The following ASH2L variants were observed in gnomAD, a reference collection of about 807,000 sequenced individuals.
The protein encoded by ASH2L is set1/Ash2 histone methyltransferase complex subunit ASH2.
In ASH2L, 30 loss-of-function variants were observed where a neutral mutation model predicts 81.1. The observed-to-expected ratio is 0.37, with a 90% CI of 0.28 to 0.50. ASH2L has a LOEUF of 0.50. ASH2L is among the 20% of genes least tolerant of loss of function. The pLI, the probability that ASH2L is intolerant of heterozygous loss-of-function variation, is 0.95. For synonymous variants in ASH2L, 273 were observed against 279.9 expected, an observed-to-expected ratio of 0.98 and a Z score of 0.24; for missense variants, 559 against 792.1, an observed-to-expected ratio of 0.71 and a Z score of 3.53.
At chr8:38,116,256 C>T (rs963559114) in intron 7 of ASH2L, among the ~76,000 whole-genome samples, 7 of 152,092 alleles carry the variant, frequency 4.6e-5, no homozygotes, top group African/African-American at 1.7e-4. Context: ...ATCCCAGCTA[C>T]TCAGGAGGCT....
chr8:38,110,766 T>C lies in ASH2L; in HGVS notation c.518T>C (p.Leu173Ser). ...ANLKEMCLSALANLTWQSRTQ... is the reference protein window; with the variant it reads ...ANLKEMCLSASANLTWQSRTQ... ...TTGAAGGAAATGTGCCTTAGTGCTT[T>C]GGCCAACCTGACATGGCAGTCCCGA... The change falls in exon 5 of 16, where the codon TTG becomes TCG. Residue 173 changes from leucine to serine, a missense_variant. Coordinates refer to ENST00000343823, the MANE Select transcript of ASH2L (RefSeq NM_004674.5). 3 of 1,614,020 alleles carry C rather than the reference T, an allele frequency of 1.9e-6. No homozygotes were observed. The highest frequency in any genetic ancestry group is 2.5e-6 in the Non-Finnish European group (3 of 1,179,980).
In ASH2L at chr8:38,107,029, T is replaced by TG; in HGVS notation, c.268dup (p.Asp90GlyfsTer15). The TG allele has an allele frequency of 6.2e-7, 1 of 1,613,974 alleles. No homozygotes were observed. The highest frequency in any genetic ancestry group is 8.5e-7 in the Non-Finnish European group (1 of 1,179,924). On this transcript the variant is annotated frameshift_variant, in exon 3 of 16. Coordinates refer to ENST00000343823, the MANE Select transcript of ASH2L (RefSeq NM_004674.5). LOFTEE classifies it high-confidence loss of function. Reference sequence around the variant, plus strand: ...GAACTGCTCTGACACAGGAAGGTGCTGGGGATACATCAGAGGTGATGGATA... The same window carrying TG: ...GAACTGCTCTGACACAGGAAGGTGCTGGGGGATACATCAGAGGTGATGGATA...
chr8:38,128,635 A>C (rs1482601735), intron 11 of ASH2L, 123 bp from the exon 12 acceptor site: 2 of 1,493,228 alleles, frequency 1.3e-6, no homozygotes, highest in Non-Finnish European at 1.8e-6. Context: ...CTTGTGAGAA[A>C]GTTTTTAAGC....
In ASH2L at chr8:38,105,627, G is replaced by A. The variant is rs771638383; in HGVS notation, c.77G>A (p.Gly26Glu). The A allele has an allele frequency of 7.5e-6, 12 of 1,605,768 alleles. No homozygotes were observed. The highest frequency in any genetic ancestry group is 5.1e-5 in the Admixed American group (3 of 58,540). The change falls in exon 1 of 16, where the codon GGG becomes GAG. Residue 26 changes from glycine (G) to glutamate (E), a missense_variant. By Grantham distance (98) the Gly-to-Glu change is moderately conservative. This residue lies in a region of ASH2L where 145 missense variants were observed against 115.5 expected (regional missense o/e 1.26). Coordinates refer to ENST00000343823, the MANE Select transcript of ASH2L (RefSeq NM_004674.5). ...CCAGGAGCGGTCGCAAATGCAACAG[G>A]GGCAGAAGAGGGGGAGATGAAGCCG... ...PGPGAVANAT[G>E]AEEGEMKPVA...
intron 10 of ASH2L, among the ~76,000 whole-genome samples, 184 bp downstream of exon 10, chr8:38,121,333 T>TTATTTATA (rs1230317862): frequency 4.1e-3 from 244 of 59,580 alleles, no homozygotes; most frequent in African/African-American, 0.012. Context: ...GCCGTTTTAT[T>TTATTTATA]TATATATATA....
At chr8:38,133,870 G>C (rs1293627425) in intron 13 of ASH2L, among the ~76,000 whole-genome samples, 2 of 152,182 alleles carry the variant, frequency 1.3e-5, no homozygotes, top group African/African-American at 4.8e-5. Flanking sequence ...TGGCGGTTTT[G>C]TGGAATAGAA....
At chr8:38,114,869 A>C in intron 6 of ASH2L, 36 bp from the exon 7 acceptor site, 1 of 1,342,002 alleles carries the variant, frequency 7.5e-7, no homozygotes, top group Admixed American at 1.7e-5. Context: ...TTAAGTATAA[A>C]ATGTTCATTA....
chr8:38,111,268 G>C (rs1363672145), intron 5 of ASH2L, among the ~76,000 whole-genome samples: 1 of 152,076 alleles, frequency 6.6e-6, no homozygotes. Context: ...CTGTCACCCA[G>C]GCTGGAGTGC....
chr8:38,114,481 A>G (rs1313240081), intron 6 of ASH2L, among the ~76,000 whole-genome samples, 194 bp downstream of exon 6: 2 of 152,218 alleles, frequency 1.3e-5, no homozygotes, highest in Non-Finnish European at 1.5e-5. Flanking sequence ...ATTGTCTTAT[A>G]TGAACATTGC....
At chr8:38,136,620 C>G (rs1802266953) in intron 14 of ASH2L, among the ~76,000 whole-genome samples, 1 of 150,416 alleles carries the variant, frequency 6.6e-6, no homozygotes, top group Admixed American at 6.6e-5. Context: ...ACTGAAGATA[C>G]AAAAATTAGC....
intron 11 of ASH2L, 103 bp from the exon 12 acceptor site, chr8:38,128,655 A>T: frequency 2.0e-6 from 3 of 1,532,764 alleles, no homozygotes; most frequent in South Asian, 2.5e-5. Flanking sequence ...CAATTTTACA[A>T]AATTGACCAA....
chr8:38,124,225 T>A (rs1284417414), intron 10 of ASH2L: 2 of 152,090 alleles, frequency 1.3e-5, no homozygotes, highest in Non-Finnish European at 2.9e-5. Context: ...TTTTTTTTTT[T>A]AGAAAGGTTC....
In ASH2L at chr8:38,107,181, T is replaced by C; in HGVS notation, c.401+15T>C. On this transcript the variant is annotated intron_variant, in intron 3 of 15. Coordinates refer to ENST00000343823, the MANE Select transcript of ASH2L (RefSeq NM_004674.5). ...ATAGATACCTCGTGAGTACTTTTCA[T>C]AGTTTTTGTGAGAATTGCTCGGTAA... 1 of 1,612,684 alleles carries C rather than the reference T, an allele frequency of 6.2e-7. No homozygotes were observed. The highest frequency in any genetic ancestry group is 8.5e-7 in the Non-Finnish European group (1 of 1,178,702).
rs911589679 is a variant in ASH2L, at chr8:38,119,436, AAG to A, written c.947+78_947+79del. 5 of 1,231,374 alleles carry A rather than the reference AAG, an allele frequency of 4.1e-6. No individual in the cohort carries two copies. The African/African-American group carries it at 6.3e-5, about 15-fold the overall frequency. The allele number at this position is 1,231,374 out of a possible 1,614,324, so 76.3% of individuals were successfully genotyped here. A position where few individuals can be genotyped will look rare whatever the true frequency, so the allele number is the denominator to read the frequency against. ...GGTGCTGGGAAAGTCCAGCAGAGGG[AAG>A]AGAGTTCAAGGGTCGGAGGTTAAAA... On this transcript the variant is annotated intron_variant, in intron 9 of 15. Coordinates refer to ENST00000343823, the MANE Select transcript of ASH2L (RefSeq NM_004674.5).
At chr8:38,123,847 T>A (rs1801728661) in intron 10 of ASH2L, among the ~76,000 whole-genome samples, 1 of 152,142 alleles carries the variant, frequency 6.6e-6, no homozygotes, top group Non-Finnish European at 1.5e-5. Context: ...TTTTTGTTTG[T>A]CTGTTTCTGT....
At chr8:38,132,126 C>T (rs1225488346) in intron 12 of ASH2L, among the ~76,000 whole-genome samples, 1 of 152,232 alleles carries the variant, frequency 6.6e-6, no homozygotes, top group African/African-American at 2.4e-5. Flanking sequence ...GGATTACAAG[C>T]GTGAGCCACT....
chr8:38,110,736 T>TA lies in ASH2L; in HGVS notation c.491-2dup, dbSNP rs753071430. On this transcript the variant is annotated splice_polypyrimidine_tract_variant and splice_region_variant and intron_variant, in intron 4 of 15. Coordinates refer to ENST00000343823, the MANE Select transcript of ASH2L (RefSeq NM_004674.5). The stretch of plus-strand genomic sequence containing the variant: ...ACTGTTTCTTCCTTTTTGTTTTTGA[T>TA]AGACTTGAAGGAAATGTGCCTTAGT... The TA allele has an allele frequency of 2.5e-5, 41 of 1,612,346 alleles. 1 individual carries two copies. The South Asian group carries it at 4.0e-4, about 16-fold the overall frequency.
At chr8:38,106,500 C>A (rs1810439311) in intron 2 of ASH2L, 56 bp downstream of exon 2, 53 of 1,239,364 alleles carry the variant, frequency 4.3e-5, no homozygotes, top group South Asian at 5.3e-5. Context: ...GTTATTTCTT[C>A]TTCTTCTTTT....
At chr8:38,135,067 A>G (rs552844021) in intron 13 of ASH2L, among the ~76,000 whole-genome samples, 2 of 151,774 alleles carry the variant, frequency 1.3e-5, no homozygotes, top group African/African-American at 2.4e-5. Flanking sequence ...AAAAAAAAAA[A>G]TTTTGTAGAG....
Sources: gnomAD v4.1 joint callset for allele counts (sites outside exome capture counted in the v4.1 genomes callset) on GRCh38, gnomAD v4.1.1 for gene constraint, gnomAD v4.1.1 regional missense constraint, MANE v1.5 for transcripts, NCBI Gene and HGNC (gene_info 2026-07-23, HGNC 2026-07-21) for gene names.